Variants in CEP290 observed in about 807,000 individuals in gnomAD.
The protein encoded by CEP290 is centrosomal protein of 290 kDa.
CEP290 carries 317 observed loss-of-function variants against 344.9 expected under a neutral mutation model. That is an observed-to-expected ratio of 0.92 (90% CI 0.84 to 1.01). CEP290 has a LOEUF of 1.01. Ranked by LOEUF, CEP290 falls within the 50% of genes least tolerant of loss-of-function variation. The probability of loss-of-function intolerance (pLI) is 0.00; values close to 1 mark genes in which losing one functional copy is unlikely to be tolerated. For synonymous variants in CEP290, 932 were observed against 895.8 expected (o/e 1.04, Z -0.72); for missense variants, 2,754 against 2,761.4 (o/e 1.00, Z 0.06).
At chr12:88,098,270 G>A (rs951531538) in intron 26 of CEP290, among the ~76,000 whole-genome samples, 7 of 148,358 alleles carry the variant, frequency 4.7e-5, no homozygotes, top group East Asian at 4.0e-4. Context: ...ACACCACTGC[G>A]CTCTAGCCTG....
At chr12:88,073,227 T>C (rs2035515799) in intron 41 of CEP290, among the ~76,000 whole-genome samples, 1 of 152,196 alleles carries the variant, frequency 6.6e-6, no homozygotes, top group African/African-American at 2.4e-5. Context: ...AAAGGTAAGA[T>C]TATAGACATT....
chr12:88,110,284 G>A (rs141410844), intron 22 of CEP290, among the ~76,000 whole-genome samples: 142 of 152,110 alleles, frequency 9.3e-4, no homozygotes, highest in African/African-American at 3.1e-3. Context: ...CATTCATAAC[G>A]ACCATTATAT....
chr12:88,058,012 T>C (rs2034153952), intron 49 of CEP290: 1 of 152,326 alleles, frequency 6.6e-6, no homozygotes, highest in South Asian at 2.1e-4. Context: ...ATGTGCTAGA[T>C]GGTAAAGGAT....
chr12:88,050,329 A>G (rs757050897), intron 53 of CEP290, 25 bp downstream of exon 53: 8 of 1,190,258 alleles, frequency 6.7e-6, no homozygotes, highest in Admixed American at 5.8e-5. Context: ...TCACAAAACG[A>G]TACTAAAATA....
At chr12:88,059,598 G>A (rs527294538) in intron 48 of CEP290, among the ~76,000 whole-genome samples, 2 of 152,160 alleles carry the variant, frequency 1.3e-5, no homozygotes, top group South Asian at 2.1e-4. Context: ...TAGTAGAGAC[G>A]GGGTTTCACC....
intron 41 of CEP290, among the ~76,000 whole-genome samples, chr12:88,074,411 C>T (rs1343670838): frequency 6.6e-6 from 1 of 152,086 alleles, no homozygotes; most frequent in Non-Finnish European, 1.5e-5. Flanking sequence ...TCCCACCTGG[C>T]ATTACTTGCT....
chr12:88,104,328 A>G (rs1407894742), intron 25 of CEP290: 2 of 152,064 alleles, frequency 1.3e-5, no homozygotes, highest in African/African-American at 4.8e-5. Flanking sequence ...AGTCATGAAC[A>G]TTGAACATTT....
intron 13 of CEP290, among the ~76,000 whole-genome samples, chr12:88,122,648 T>C (rs1445209426): frequency 6.6e-6 from 1 of 152,164 alleles, no homozygotes; most frequent in Non-Finnish European, 1.5e-5. Context: ...GATAAGTCCT[T>C]TTCCTTATTT....
Position 88,053,687 on chromosome 12 carries a change from T to G in CEP290, c.7094A>C (p.Asn2365Thr), listed in dbSNP as rs773642190. The G allele has an allele frequency of 3.9e-6, 6 of 1,553,962 alleles. No homozygotes were observed. In the South Asian group the frequency reaches 7.3e-5, roughly 19 times the overall value. ...KAELIHQIEANKDQSGAESTI... is the reference protein window; with the variant it reads ...KAELIHQIEATKDQSGAESTI... ...GCTTTCAGCTCCACTTTGGTCCTTG[T>G]TAGCTTCTATCTGATGGATTAATTC... is the stretch of plus-strand genomic sequence containing the variant. Residue 2365 changes from asparagine to threonine, a missense_variant, in exon 52 of 54, where the codon AAC (asparagine) becomes ACC (threonine). Transcript: ENST00000552810.
At chr12:88,141,115 T>C (rs1592707517) in intron 2 of CEP290, 82 bp from the exon 3 acceptor site, 1 of 1,307,340 alleles carries the variant, frequency 7.6e-7, no homozygotes, top group East Asian at 2.7e-5. Flanking sequence ...GTGACAATTA[T>C]AGTTGTCCCT....
At position 88,114,810 on chromosome 12, in the gene CEP290, T is replaced by C. The variant is rs140486997; in HGVS notation, c.1910-248A>G. ...TTCTGCCTTAACTTAAACTATGCTT[T>C]ATATTAAAGTATTTTAAATTTGGTG... On this transcript the variant is annotated intron_variant, in intron 19 of 53. Transcript: ENST00000552810. Among the ~76,000 whole-genome samples, 43 of 152,258 alleles carry C rather than the reference T, an allele frequency of 2.8e-4. 1 individual carries two copies. The highest frequency in any genetic ancestry group is 9.9e-4 in the African/African-American group (41 of 41,584).
At chr12:88,052,306 A>G (rs558721516) in intron 52 of CEP290, among the ~76,000 whole-genome samples, 1 of 152,192 alleles carries the variant, frequency 6.6e-6, no homozygotes, top group East Asian at 1.9e-4. Context: ...ATTTTATAGA[A>G]GCAGAAACTT....
intron 46 of CEP290, among the ~76,000 whole-genome samples, chr12:88,061,566 AT>A (rs1316322465): frequency 6.6e-6 from 1 of 152,148 alleles, no homozygotes; most frequent in Non-Finnish European, 1.5e-5. Flanking sequence ...AATAAAAATA[AT>A]TTTTAACAGT....
chr12:88,059,496 C>A (rs2034288038), intron 48 of CEP290, among the ~76,000 whole-genome samples: 1 of 152,096 alleles, frequency 6.6e-6, no homozygotes, highest in Non-Finnish European at 1.5e-5. Flanking sequence ...CAACCTCTGC[C>A]TCCCGGGTTC....
intron 13 of CEP290, among the ~76,000 whole-genome samples, chr12:88,123,609 C>T (rs1280389845): frequency 6.6e-6 from 1 of 151,992 alleles, no homozygotes; most frequent in African/African-American, 2.4e-5. Flanking sequence ...TCCTTTTTAT[C>T]TCCCCAGCTG....
chr12:88,100,846 A>G (rs2037814219), intron 26 of CEP290, among the ~76,000 whole-genome samples: 1 of 152,218 alleles, frequency 6.6e-6, no homozygotes, highest in Admixed American at 6.5e-5. Flanking sequence ...TGGAAGAGAG[A>G]AATGGTTCCC....
chr12:88,089,725 T>C (rs2036875432), intron 30 of CEP290, among the ~76,000 whole-genome samples: 2 of 149,744 alleles, frequency 1.3e-5, no homozygotes, highest in South Asian at 4.2e-4. Flanking sequence ...ATGTTACTGG[T>C]GTTTTTTTTT....
At chr12:88,130,181 C>T (rs994627419) in intron 9 of CEP290, 87 bp downstream of exon 9, 1 of 1,268,002 alleles carries the variant, frequency 7.9e-7, no homozygotes, top group African/African-American at 1.5e-5. Flanking sequence ...AGGGAATTTA[C>T]ATGTAGGGCT....
chr12:88,050,404 CT>C lies in CEP290; in HGVS notation c.7158del (p.Asp2387IlefsTer2). Reference sequence around the variant, plus strand: ...GACATTTTGAGCTGTGTCTCTAGATCTTTTATTTTTTCCTTTAGTTGATCAG... The same window carrying C: ...GACATTTTGAGCTGTGTCTCTAGATCTTTATTTTTTCCTTTAGTTGATCAG... ...PDADQLKEKI[K>X]DLETQLKMSD... On this transcript the variant is annotated frameshift_variant, in exon 53 of 54. Transcript: ENST00000552810. LOFTEE classifies it high-confidence loss of function. The C allele has an allele frequency of 6.4e-7, 1 of 1,562,874 alleles. No individual in the cohort carries two copies. The highest frequency in any genetic ancestry group is 8.7e-7 in the Non-Finnish European group (1 of 1,144,236).
Sources: allele counts gnomAD v4.1 joint callset (sites outside exome capture counted in the v4.1 genomes callset), GRCh38; gene constraint gnomAD v4.1.1; transcripts MANE v1.5; gene names NCBI Gene and HGNC (gene_info 2026-07-23, HGNC 2026-07-21).